CNST: variants seen among roughly 807,000 people sequenced by gnomAD.
The protein encoded by CNST is consortin.
Under a neutral mutation model 72.4 loss-of-function variants are expected in CNST, and 39 were observed. The observed-to-expected ratio is 0.54, with a 90% CI of 0.42 to 0.70. CNST has a LOEUF of 0.70. CNST is among the 30% of genes least tolerant of loss of function. The pLI is 0.00. For missense variants in CNST, 871 were observed against 868.5 expected (o/e 1.00, Z -0.04); for synonymous variants, 332 against 320.1 (o/e 1.04, Z -0.40).
chr1:246,610,691 C>G (rs1232592750), intron 2 of CNST, among the ~76,000 whole-genome samples: 2 of 152,080 alleles, frequency 1.3e-5, no homozygotes, highest in Non-Finnish European at 2.9e-5. Context: ...TGCTCAGGTA[C>G]TCCTTTAACA....
chr1:246,616,426 T>C (rs1663695131), intron 2 of CNST, among the ~76,000 whole-genome samples: 1 of 152,052 alleles, frequency 6.6e-6, no homozygotes, highest in Non-Finnish European at 1.5e-5. Flanking sequence ...GGCTTGGTGG[T>C]GTGTGCCTGT....
At position 246,632,708 on chromosome 1, in the gene CNST, A is replaced by G. The variant is rs552897686; in HGVS notation, c.616+784A>G. The stretch of plus-strand genomic sequence containing the variant: ...ACAAGATGCAGATCTGTGTGATACA[A>G]ATGAGAAGGCTAAAGCTCACAGGAT... On this transcript the variant is annotated intron_variant, in intron 4 of 10. Coordinates refer to ENST00000366513, the MANE Select transcript of CNST (RefSeq NM_152609.3). Among the ~76,000 whole-genome samples, 23 of 152,354 alleles carry G rather than the reference A, an allele frequency of 1.5e-4. No individual in the cohort carries two copies. In the South Asian group the frequency reaches 2.3e-3, roughly 15 times the overall value.
At chr1:246,612,878 C>T (rs997482181) in intron 2 of CNST, among the ~76,000 whole-genome samples, 1 of 152,036 alleles carries the variant, frequency 6.6e-6, no homozygotes, top group African/African-American at 2.4e-5. Flanking sequence ...GAGTGAGACC[C>T]TGTCTCAAAA....
intron 1 of CNST, among the ~76,000 whole-genome samples, chr1:246,588,718 A>C (rs1355103583): frequency 6.6e-6 from 1 of 152,200 alleles, no homozygotes; most frequent in Non-Finnish European, 1.5e-5. Context: ...AGAATTAATA[A>C]ATTCTTTTAT....
intron 1 of CNST, among the ~76,000 whole-genome samples, chr1:246,567,782 C>G (rs557828934): frequency 2.0e-5 from 3 of 152,106 alleles, no homozygotes; most frequent in Admixed American, 6.5e-5. Context: ...GTACAGTTTT[C>G]TCACTGACAA....
chr1:246,607,629 G>A (rs901008055), intron 2 of CNST: 3 of 152,332 alleles, frequency 2.0e-5, no homozygotes, highest in East Asian at 3.9e-4. Flanking sequence ...CCTGTCTGAC[G>A]TCACTGCTAC....
intron 3 of CNST, among the ~76,000 whole-genome samples, chr1:246,624,003 C>T (rs1008620167): frequency 2.0e-5 from 3 of 152,024 alleles, no homozygotes; most frequent in Admixed American, 2.0e-4. Context: ...TTTGAGGCTG[C>T]AATGAGCCGT....
chr1:246,575,356 T>G (rs1660337651), intron 1 of CNST, among the ~76,000 whole-genome samples: 1 of 152,180 alleles, frequency 6.6e-6, no homozygotes, highest in South Asian at 2.1e-4. Context: ...AAAGGTGGTA[T>G]ATCTGTACAG....
chr1:246,593,319 C>CTT (rs74163465), intron 2 of CNST, among the ~76,000 whole-genome samples: 5 of 143,228 alleles, frequency 3.5e-5, no homozygotes, highest in African/African-American at 1.0e-4. Context: ...GATATGAAAG[C>CTT]TTTTTTTTTT....
intron 2 of CNST, among the ~76,000 whole-genome samples, chr1:246,604,176 C>G (rs1415429903): frequency 6.6e-6 from 1 of 152,124 alleles, no homozygotes; most frequent in Non-Finnish European, 1.5e-5. Context: ...ATTGCTTGAA[C>G]CCGGGTGGCA....
intron 1 of CNST, among the ~76,000 whole-genome samples, chr1:246,577,005 T>A (rs1284868402): frequency 3.3e-5 from 5 of 152,020 alleles, no homozygotes; most frequent in East Asian, 1.9e-4. Context: ...TAAAATTTTT[T>A]AAAAATTGGA....
chr1:246,596,602 C>CTT (rs1661904362), intron 2 of CNST, among the ~76,000 whole-genome samples: 1 of 152,134 alleles, frequency 6.6e-6, no homozygotes, highest in Non-Finnish European at 1.5e-5. Context: ...AATTCACCTA[C>CTT]TTAAAATATA....
At chr1:246,574,029 G>C (rs894254229) in intron 1 of CNST, among the ~76,000 whole-genome samples, 10 of 152,144 alleles carry the variant, frequency 6.6e-5, no homozygotes, top group African/African-American at 2.4e-4. Context: ...GATTACAGAA[G>C]TAATAATGCT....
At chr1:246,661,589 G>A (rs1667108570) in intron 10 of CNST, among the ~76,000 whole-genome samples, 1 of 152,162 alleles carries the variant, frequency 6.6e-6, no homozygotes. Flanking sequence ...CAAACTTAAG[G>A]CCCTGACTTG....
chr1:246,634,990 G>GGGGTGCGT (rs1489366089), intron 6 of CNST, among the ~76,000 whole-genome samples: 1 of 149,506 alleles, frequency 6.7e-6, no homozygotes, highest in Non-Finnish European at 1.5e-5. Flanking sequence ...TCTTCCGGCC[G>GGGGTGCGT]GCCCTCTTCC....
At chr1:246,635,558 A>G (rs1187307003) in intron 6 of CNST, among the ~76,000 whole-genome samples, 2 of 152,164 alleles carry the variant, frequency 1.3e-5, no homozygotes, top group Non-Finnish European at 2.9e-5. Context: ...TAAGACAGCA[A>G]TTGGAGATGT....
intron 8 of CNST, 71 bp downstream of exon 8, chr1:246,642,108 C>T: frequency 2.0e-6 from 1 of 493,572 alleles, no homozygotes; most frequent in Non-Finnish European, 3.5e-6. Context: ...ACAAGTGATA[C>T]ATCTGAATTG....
chr1:246,614,125 G>GT (rs948140869), intron 2 of CNST, among the ~76,000 whole-genome samples: 49 of 151,278 alleles, frequency 3.2e-4, no homozygotes, highest in African/African-American at 9.4e-4. Context: ...CATATTTCAG[G>GT]TTTTTTTTTG....
chr1:246,591,993 C>A, intron 2 of CNST, 52 bp downstream of exon 2: 1 of 1,377,126 alleles, frequency 7.3e-7, no homozygotes, highest in South Asian at 1.4e-5. Context: ...AAAAATGAAC[C>A]TCCTTCCCTC....
Sources: allele counts gnomAD v4.1 joint callset (sites outside exome capture counted in the v4.1 genomes callset), GRCh38; gene constraint gnomAD v4.1.1; transcripts MANE v1.5; gene names NCBI Gene and HGNC (gene_info 2026-07-23, HGNC 2026-07-21).